The following WHAMM variants were observed in gnomAD, a reference collection of about 807,000 sequenced individuals.
WHAMM encodes the protein WASP homolog-associated protein with actin, membranes and microtubules.
In WHAMM, 67 loss-of-function variants were observed where a neutral mutation model predicts 76.5. That is an observed-to-expected ratio of 0.88 (90% CI 0.72 to 1.07). The LOEUF is 1.07. Among genes scored for constraint, WHAMM ranks in the 50% least tolerant of loss-of-function variants. WHAMM has a pLI of 0.00. For missense variants in WHAMM, 1,021 were observed against 1,051.1 expected (o/e 0.97, Z 0.40); for synonymous variants, 419 against 422.1 (o/e 0.99, Z 0.09).
chr15:82,829,200 A>G (rs535506868), intron 8 of WHAMM, among the ~76,000 whole-genome samples: 4 of 152,354 alleles, frequency 2.6e-5, no homozygotes, highest in African/African-American at 7.2e-5. Context: ...GCCAGGCGCC[A>G]TGGCTCACGC....
chr15:82,833,796 G>GT lies in WHAMM; in HGVS notation c.*261dup, dbSNP rs2051081426. 1 of 447,118 alleles carries GT rather than the reference G, an allele frequency of 2.2e-6. No homozygotes were observed. The highest frequency in any genetic ancestry group is 3.7e-5 in the Admixed American group (1 of 27,204). The allele number at this position is 447,118 out of a possible 1,614,324, so 27.7% of individuals were successfully genotyped here. A position where few individuals can be genotyped will look rare whatever the true frequency, so the allele number is the denominator to read the frequency against. The stretch of plus-strand genomic sequence containing the variant: ...GCTCCGCTTCCCAGGCTGGGGTGCA[G>GT]TGGTGCGATCTTGGCTCACTGCAAG... On this transcript the variant is annotated 3_prime_UTR_variant, in exon 10 of 10. Transcript: ENST00000286760.
At position 82,830,901 on chromosome 15, in the gene WHAMM, A is replaced by G. The variant is rs1378998810; in HGVS notation, c.1944A>G (p.Pro648=). ...LPPPPPPPPP[P]PPPPPPPPPP... ...CACCTCCTCCTCCTCCACCACCACC[A>G]CCGCCGCCACCGCCGCCCCCACCCC... is the stretch of plus-strand genomic sequence containing the variant. The change falls in exon 9 of 10, where the codon CCA becomes CCG. Residue 648 remains proline, a synonymous_variant. Transcript: ENST00000286760. The G allele has an allele frequency of 3.3e-5, 43 of 1,322,926 alleles. No homozygotes were observed. Among genetic ancestry groups the G allele is most frequent in the East Asian group, 7.1e-5 (2 of 28,286 alleles). The allele number at this position is 1,322,926 out of a possible 1,614,324, so 81.9% of individuals were successfully genotyped here.
rs1242178173 is a variant in WHAMM at position 82,810,133 on chromosome 15, G to A, written c.407G>A (p.Gly136Asp). The A allele has an allele frequency of 2.9e-6, 4 of 1,361,660 alleles. No individual in the cohort carries two copies. Among genetic ancestry groups the A allele is most frequent in the South Asian group, 1.5e-5 (1 of 65,392 alleles). 84.3% of individuals were successfully genotyped at this position (1,361,660 alleles called of 1,614,324 possible). The part of the protein sequence containing the change: ...LWALLWPTRA[G>D]PGEAALQELC... Reference sequence around the variant, plus strand: ...GCGCTGCTGTGGCCGACGCGCGCGGGTCCCGGCGAGGCGGCGCTGCAGGAG... The same window carrying A: ...GCGCTGCTGTGGCCGACGCGCGCGGATCCCGGCGAGGCGGCGCTGCAGGAG... Residue 136 changes from glycine (G) to aspartate (D), a missense_variant, in exon 1 of 10, where the codon GGT (glycine) becomes GAT (aspartate). By Grantham distance (94) the Gly-to-Asp change is moderately conservative. Around this residue, in one of 3 missense-constraint regions of WHAMM, gnomAD observed 501 missense variants for 524.9 expected, o/e 0.95. Transcript: ENST00000286760.
intron 1 of WHAMM, among the ~76,000 whole-genome samples, chr15:82,812,452 T>A (rs190609135): frequency 7.8e-4 from 118 of 152,234 alleles, no homozygotes; most frequent in African/African-American, 2.6e-3. Flanking sequence ...ATGGTCTCGA[T>A]CTCCTGACCT....
Position 82,836,108 on chromosome 15 carries a change from A to G in WHAMM, c.*2572A>G, listed in dbSNP as rs910748387. On this transcript the variant is annotated 3_prime_UTR_variant, in exon 10 of 10. Coordinates refer to ENST00000286760, the MANE Select transcript of WHAMM (RefSeq NM_001080435.3). ...TCTCACAATAAAAATTCCTGGCCCA[A>G]TTGTGTCTTCTGTGCATCAACGCTT... 1 of 152,188 alleles carries G rather than the reference A, an allele frequency of 6.6e-6. No homozygotes were observed. Among genetic ancestry groups the G allele is most frequent in the Non-Finnish European group, 1.5e-5 (1 of 68,024 alleles). The allele number at this position is 152,188 out of a possible 1,614,324, so 9.4% of individuals were successfully genotyped here. A position where few individuals can be genotyped will look rare whatever the true frequency, so the allele number is the denominator to read the frequency against.
intron 4 of WHAMM, 81 bp from the exon 5 acceptor site, chr15:82,819,242 A>C: frequency 1.8e-6 from 1 of 544,048 alleles, no homozygotes; most frequent in South Asian, 4.0e-5. Flanking sequence ...AAGGAATAGA[A>C]AATAGCTAGA....
At chr15:82,813,401 T>C (rs2050663359) in intron 2 of WHAMM, 125 bp downstream of exon 2, 4 of 990,786 alleles carry the variant, frequency 4.0e-6, no homozygotes, top group Non-Finnish European at 5.7e-6. Flanking sequence ...TTTATTTATT[T>C]ACTTATTTAT....
rs771128163 is a variant in WHAMM, at chr15:82,816,767, C to T, written c.859C>T (p.Arg287Trp). ...GAAAGAAGCTGAAGAATGGACCAGA[C>T]GGGCTGAAGAAGCTGTCGTCTCTAT... ...LEKEAEEWTR[R>W]AEEAVVSIQD... Residue 287 changes from arginine (R) to tryptophan (W), a missense_variant, in exon 3 of 10, where the codon CGG becomes TGG. Physicochemically the swap from Arg to Trp is moderately radical, Grantham distance 101. Coordinates refer to ENST00000286760, the MANE Select transcript of WHAMM (RefSeq NM_001080435.3). The T allele has an allele frequency of 9.6e-6, 15 of 1,560,158 alleles. No homozygotes were observed. The highest frequency in any genetic ancestry group is 5.8e-5 in the Admixed American group (3 of 51,802).
intron 5 of WHAMM, 58 bp from the exon 6 acceptor site, chr15:82,823,042 T>G: frequency 8.0e-7 from 1 of 1,249,950 alleles, no homozygotes; most frequent in Admixed American, 3.9e-5. Context: ...TTAAAAAAAT[T>G]CAATGCATTT....
intron 8 of WHAMM, among the ~76,000 whole-genome samples, chr15:82,829,130 G>A (rs2050985398): frequency 6.6e-6 from 1 of 152,236 alleles, no homozygotes; most frequent in African/African-American, 2.4e-5. Context: ...GCTGTACAAG[G>A]TAAAGGATTT....
intron 9 of WHAMM, among the ~76,000 whole-genome samples, chr15:82,831,983 G>C (rs1458006729): frequency 6.6e-6 from 1 of 152,214 alleles, no homozygotes; most frequent in Non-Finnish European, 1.5e-5. Flanking sequence ...ACTGTACCTA[G>C]AACCAGGTAC....
rs1371717959 is a variant in WHAMM at position 82,823,150 on chromosome 15, C to T, written c.1321C>T (p.Leu441Phe). ...CGATCCATGTGAAAATCCAGAGGAACTTAAAGTCATTGACTGTGTGGTGGG... is the reference window on the plus strand; with the variant it reads ...CGATCCATGTGAAAATCCAGAGGAATTTAAAGTCATTGACTGTGTGGTGGG... ...YYDPCENPEE[L>F]KVIDCVVGLQ... The change falls in exon 6 of 10, where the codon CTT becomes TTT. Residue 441 changes from leucine (L) to phenylalanine (F), a missense_variant. This residue lies in a region of WHAMM where 509 missense variants were observed against 492.3 expected (regional missense o/e 1.03). Transcript: ENST00000286760. 2.0e-6 allele frequency: 3 copies of T among 1,513,830 alleles called. No homozygotes were observed. Among genetic ancestry groups the T allele is most frequent in the South Asian group, 1.4e-5 (1 of 73,462 alleles). 93.8% of individuals were successfully genotyped at this position (1,513,830 alleles called of 1,614,324 possible).
Position 82,830,885 on chromosome 15 carries a change from C to T in WHAMM, c.1928C>T (p.Pro643Leu), listed in dbSNP as rs771179228. The T allele has an allele frequency of 5.1e-6, 8 of 1,582,738 alleles. No individual in the cohort carries two copies. Among genetic ancestry groups the T allele is most frequent in the South Asian group, 1.1e-5 (1 of 87,628 alleles). ...GAATTGTCACTGCCACCACCTCCTCCTCCTCCACCACCACCACCGCCGCCA... is the reference window on the plus strand; with the variant it reads ...GAATTGTCACTGCCACCACCTCCTCTTCCTCCACCACCACCACCGCCGCCA... ...SEELSLPPPPPPPPPPPPPPP... is the reference protein window; with the variant it reads ...SEELSLPPPPLPPPPPPPPPP... The change falls in exon 9 of 10, where the codon CCT (proline) becomes CTT (leucine). Residue 643 changes from proline (P) to leucine (L), a missense_variant. Pro to Leu is a moderately conservative substitution (Grantham distance 98). This residue lies in a region of WHAMM where 509 missense variants were observed against 492.3 expected (regional missense o/e 1.03). Transcript: ENST00000286760.
chr15:82,830,986 C>A lies in WHAMM; in HGVS notation c.2029C>A (p.Arg677=). 1 of 1,609,508 alleles carries A rather than the reference C, an allele frequency of 6.2e-7. No individual in the cohort carries two copies. The highest frequency in any genetic ancestry group is 8.5e-7 in the Non-Finnish European group (1 of 1,178,444). ...TGCAACTCATCAGAACTTAGGCTTC[C>A]GGGCTCCAGTGAAAGATGACCAGCC... The part of the protein sequence containing the change: ...QAATHQNLGF[R]APVKDDQPRP... The change falls in exon 9 of 10, where the codon CGG becomes AGG. Residue 677 remains arginine, a synonymous_variant. Coordinates refer to ENST00000286760, the MANE Select transcript of WHAMM (RefSeq NM_001080435.3).
chr15:82,816,510 C>T (rs1280058863), intron 2 of WHAMM, among the ~76,000 whole-genome samples, 182 bp from the exon 3 acceptor site: 10 of 152,008 alleles, frequency 6.6e-5, no homozygotes, highest in Admixed American at 6.6e-4. Flanking sequence ...TTTTGTCTTA[C>T]AGGTGGTGCT....
In WHAMM at chr15:82,826,276, T is replaced by A. The variant is rs74813775; in HGVS notation, c.1459-134T>A. ...ATAGACTGCGGAGGAGACAGTACCA[T>A]TGGGCCGCTCCAGAACTAATATTAA... On this transcript the variant is annotated intron_variant, in intron 6 of 9. Transcript: ENST00000286760. The A allele has an allele frequency of 3.6e-3, 3,058 of 843,622 alleles. 107 individuals are homozygous for A. The Admixed American group carries it at 0.062, about 17-fold the overall frequency. 52.3% of individuals were successfully genotyped at this position (843,622 alleles called of 1,614,324 possible). A position where few individuals can be genotyped will look rare whatever the true frequency, so the allele number is the denominator to read the frequency against.
intron 2 of WHAMM, among the ~76,000 whole-genome samples, chr15:82,813,606 C>T (rs1344488680): frequency 6.9e-6 from 1 of 144,222 alleles, no homozygotes; most frequent in Non-Finnish European, 1.5e-5. Flanking sequence ...GCTTAAGATT[C>T]CTACAGATTT....
At chr15:82,812,743 G>C (rs1423066651) in intron 1 of WHAMM, among the ~76,000 whole-genome samples, 3 of 150,930 alleles carry the variant, frequency 2.0e-5, no homozygotes, top group Admixed American at 1.3e-4. Context: ...GCCCAGGCTG[G>C]AACCACTGTC....
rs564479900 is a variant in WHAMM, at chr15:82,816,766, A to G, written c.858A>G (p.Arg286=). ...AGAAAGAAGCTGAAGAATGGACCAGACGGGCTGAAGAAGCTGTCGTCTCTA... is the reference window on the plus strand; with the variant it reads ...AGAAAGAAGCTGAAGAATGGACCAGGCGGGCTGAAGAAGCTGTCGTCTCTA... ...ALEKEAEEWT[R]RAEEAVVSIQ... The change falls in exon 3 of 10, where the codon AGA becomes AGG. Residue 286 remains arginine (R), a synonymous_variant. Coordinates refer to ENST00000286760, the MANE Select transcript of WHAMM (RefSeq NM_001080435.3). 9 of 1,560,260 alleles carry G rather than the reference A, an allele frequency of 5.8e-6. No homozygotes were observed. Among genetic ancestry groups the G allele is most frequent in the Admixed American group, 1.9e-5 (1 of 51,802 alleles).
Sources: allele counts gnomAD v4.1 joint callset (sites outside exome capture counted in the v4.1 genomes callset), GRCh38; gene constraint gnomAD v4.1.1; regional missense constraint gnomAD v4.1.1; transcripts MANE v1.5; gene names NCBI Gene and HGNC (gene_info 2026-07-23, HGNC 2026-07-21).